The following KCNIP4 variants were observed in gnomAD, a reference collection of about 807,000 sequenced individuals.
KCNIP4 encodes potassium voltage-gated channel interacting protein 4, also known as Kv channel-interacting protein 4.
KCNIP4 carries 12 observed loss-of-function variants against 34.0 expected under a neutral mutation model. That is an observed-to-expected ratio of 0.35 (90% CI 0.23 to 0.57). KCNIP4 has a LOEUF of 0.57. KCNIP4 is among the 20% of genes least tolerant of loss of function. The pLI is 0.83. For missense variants in KCNIP4, 238 were observed against 311.7 expected (o/e 0.76, Z 1.78); for synonymous variants, 124 against 102.2 (o/e 1.21, Z -1.29).
At chr4:20,776,885 T>G (rs1756417119) in intron 3 of KCNIP4, among the ~76,000 whole-genome samples, 1 of 152,144 alleles carries the variant, frequency 6.6e-6, no homozygotes, top group South Asian at 2.1e-4. Context: ...ATAGGGTAAT[T>G]ATGAATAGAT....
At chr4:21,252,853 C>T (rs1248722580) in intron 1 of KCNIP4, among the ~76,000 whole-genome samples, 1 of 151,516 alleles carries the variant, frequency 6.6e-6, no homozygotes, top group African/African-American at 2.4e-5. Context: ...CCTCTGGAAG[C>T]CTAGAGCCTT....
Position 21,024,741 on chromosome 4 carries a change from C to G in KCNIP4, c.62-142032G>C, listed in dbSNP as rs929703940. Among the ~76,000 whole-genome samples the G allele has an allele frequency of 6.6e-5, 10 of 152,178 alleles. No homozygotes were observed. In the South Asian group the frequency reaches 1.2e-3, roughly 19 times the overall value. ...CCGCCCGCTGACATTTAGTGAATGT[C>G]AAGATGCTTAATACAGGGCTGTGCT... On this transcript the variant is annotated intron_variant, in intron 1 of 8. Transcript: ENST00000382152.
rs371586495 is a variant in KCNIP4 at position 21,886,157 on chromosome 4, T to A, written c.61+62414A>T. On this transcript the variant is annotated intron_variant, in intron 1 of 8. Coordinates refer to ENST00000382152, the MANE Select transcript of KCNIP4 (RefSeq NM_025221.6). ...CAGTTTTTGAAATGTTTTGGAAATT[T>A]TACTGAAACTTATTATGATTTTCCA... 2.2e-4 allele frequency among the ~76,000 whole-genome samples: 34 copies of A among 152,278 alleles called. 1 individual carries two copies. Among genetic ancestry groups the A allele is most frequent in the African/African-American group, 6.5e-4 (27 of 41,558 alleles).
At chr4:20,842,351 G>A (rs910886452) in intron 3 of KCNIP4, among the ~76,000 whole-genome samples, 2 of 152,188 alleles carry the variant, frequency 1.3e-5, no homozygotes, top group African/African-American at 2.4e-5. Context: ...TCAGAGGGGT[G>A]CACTTCAGCT....
intron 1 of KCNIP4, among the ~76,000 whole-genome samples, chr4:21,591,110 T>C (rs946337938): frequency 6.6e-6 from 1 of 151,460 alleles, no homozygotes. Context: ...AGGAAGGAAA[T>C]ATGGGACAAA....
chr4:20,990,123 C>G (rs977635852), intron 1 of KCNIP4, among the ~76,000 whole-genome samples: 2 of 152,084 alleles, frequency 1.3e-5, no homozygotes, highest in African/African-American at 2.4e-5. Context: ...AGTGTATGAC[C>G]CTTCATGTCT....
rs1325114743 is a variant in KCNIP4, at chr4:21,025,835, G to A, written c.62-143126C>T. Among the ~76,000 whole-genome samples the A allele has an allele frequency of 1.4e-4, 21 of 152,106 alleles. No homozygotes were observed. In the East Asian group the frequency reaches 3.9e-3, roughly 28 times the overall value. On this transcript the variant is annotated intron_variant, in intron 1 of 8. Transcript: ENST00000382152. ...TCCCTAAAGTGCTGGGATTACAGGC[G>A]TGAGCCACTGCACCCGGCCTGATAC...
chr4:21,372,166 T>A (rs1329616716), intron 1 of KCNIP4, among the ~76,000 whole-genome samples: 1 of 147,298 alleles, frequency 6.8e-6, no homozygotes, highest in African/African-American at 2.7e-5. Flanking sequence ...GCATCGTACT[T>A]CAGGAGTCTT....
chr4:20,930,580 A>G (rs1428305322), intron 1 of KCNIP4, among the ~76,000 whole-genome samples: 2 of 152,086 alleles, frequency 1.3e-5, no homozygotes, highest in African/African-American at 4.8e-5. Context: ...GGCAACATAC[A>G]GACTGGGAAA....
chr4:20,917,778 C>G (rs1728995850), intron 1 of KCNIP4, among the ~76,000 whole-genome samples: 1 of 152,034 alleles, frequency 6.6e-6, no homozygotes, highest in Admixed American at 6.6e-5. Flanking sequence ...ATGCCTGTAT[C>G]AGGAGGCAGA....
intron 1 of KCNIP4, among the ~76,000 whole-genome samples, chr4:21,524,421 C>T (rs532312047): frequency 6.6e-6 from 1 of 152,278 alleles, no homozygotes; most frequent in East Asian, 1.9e-4. Flanking sequence ...TAAGCTCTTG[C>T]ATCTGATTTT....
intron 1 of KCNIP4, among the ~76,000 whole-genome samples, chr4:21,234,024 T>A (rs193086765): frequency 0.011 from 1,024 of 96,528 alleles, 53 homozygotes; most frequent in African/African-American, 0.063. Flanking sequence ...TAACATATAT[T>A]ATATATAACA....
At chr4:21,855,413 C>T (rs1246045427) in intron 1 of KCNIP4, among the ~76,000 whole-genome samples, 1 of 152,110 alleles carries the variant, frequency 6.6e-6, no homozygotes, top group African/African-American at 2.4e-5. Context: ...ACCTTTCAAG[C>T]AAATGTAGCA....
chr4:21,612,937 T>C (rs768479382), intron 1 of KCNIP4, among the ~76,000 whole-genome samples: 36 of 152,142 alleles, frequency 2.4e-4, no homozygotes, highest in Non-Finnish European at 4.3e-4. Flanking sequence ...AGTAATATCA[T>C]TCTTAGTTTT....
At chr4:21,906,330 G>A (rs1163761702) in intron 1 of KCNIP4, among the ~76,000 whole-genome samples, 1 of 152,148 alleles carries the variant, frequency 6.6e-6, no homozygotes, top group Non-Finnish European at 1.5e-5. Context: ...AAGTGTCCTT[G>A]TCTAAGACAG....
chr4:21,755,379 C>A (rs1262037603), intron 1 of KCNIP4, among the ~76,000 whole-genome samples: 2 of 152,110 alleles, frequency 1.3e-5, no homozygotes, highest in African/African-American at 4.8e-5. Flanking sequence ...TCTAATAAGT[C>A]CTAAGCAAAT....
chr4:20,872,980 T>G (rs1445302370), intron 2 of KCNIP4, among the ~76,000 whole-genome samples: 1 of 152,208 alleles, frequency 6.6e-6, no homozygotes, highest in East Asian at 1.9e-4. Flanking sequence ...CTATGTTCCT[T>G]ATCTTGATAA....
intron 1 of KCNIP4, among the ~76,000 whole-genome samples, chr4:21,886,416 C>T (rs1726766098): frequency 6.6e-6 from 1 of 152,116 alleles, no homozygotes; most frequent in Admixed American, 6.6e-5. Context: ...AAGGTCCTCC[C>T]ATTTCTCTAA....
At chr4:21,312,897 C>T (rs1320217128) in intron 1 of KCNIP4, among the ~76,000 whole-genome samples, 1 of 152,200 alleles carries the variant, frequency 6.6e-6, no homozygotes, top group African/African-American at 2.4e-5. Context: ...AAGGGCAGAA[C>T]TGATGTGCAG....
Sources: allele counts gnomAD v4.1 joint callset (sites outside exome capture counted in the v4.1 genomes callset), GRCh38; gene constraint gnomAD v4.1.1; transcripts MANE v1.5; gene names NCBI Gene and HGNC (gene_info 2026-07-23, HGNC 2026-07-21).